CLEC1B: variants seen among roughly 807,000 people sequenced by gnomAD.
The protein encoded by CLEC1B is C-type lectin domain family 1 member B.
Under a neutral mutation model 26.7 loss-of-function variants are expected in CLEC1B, and 26 were observed. The observed-to-expected ratio is 0.97, with a 90% CI of 0.71 to 1.35. The LOEUF is 1.35. Ranked by LOEUF, CLEC1B falls within the 40% of genes most tolerant of loss-of-function variation. The pLI is 0.00. For synonymous variants in CLEC1B, 112 were observed against 96.0 expected, an observed-to-expected ratio of 1.17 and a Z score of -0.97; for missense variants, 293 against 282.6, an observed-to-expected ratio of 1.04 and a Z score of -0.26.
intron 5 of CLEC1B, 182 bp from the exon 6 acceptor site, chr12:9,993,469 A>T (rs986120670): frequency 3.0e-5 from 18 of 604,366 alleles, no homozygotes; most frequent in Admixed American, 5.9e-5. Flanking sequence ...CAAGATATGC[A>T]TATTTAAAAA....
chr12:9,997,280 C>G lies in CLEC1B; in HGVS notation c.164-1G>C. 1.2e-6 allele frequency: 2 copies of G among 1,607,858 alleles called. No individual in the cohort carries two copies. Among genetic ancestry groups the G allele is most frequent in the Non-Finnish European group, 1.7e-6 (2 of 1,176,292 alleles). Reference sequence around the variant, plus strand: ...TGTAGGTAATTGCGCTGCATGACAGCTAGGTTTAAAAAGTAAATAATAATA... The same window carrying G: ...TGTAGGTAATTGCGCTGCATGACAGGTAGGTTTAAAAAGTAAATAATAATA... On this transcript the variant is annotated splice_acceptor_variant, in intron 2 of 5. Coordinates refer to ENST00000298527, the MANE Select transcript of CLEC1B (RefSeq NM_016509.4). LOFTEE classifies it high-confidence loss of function.
Position 9,993,281 on chromosome 12 carries a change from C to A in CLEC1B, c.552G>T (p.Glu184Asp). 1 of 1,611,230 alleles carries A rather than the reference C, an allele frequency of 6.2e-7. No homozygotes were observed. The highest frequency in any genetic ancestry group is 8.5e-7 in the Non-Finnish European group (1 of 1,178,106). ...DGSVISENMF[E>D]FLEDGKGNMN... The stretch of plus-strand genomic sequence containing the variant: ...TATTTCCTTTTCCATCTTCCAAAAA[C>A]TCAAACCTGTGAAGGGAAAGTTAGA... The change falls in exon 6 of 6, where the codon GAG becomes GAT. Residue 184 changes from glutamate to aspartate, a missense_variant. Transcript: ENST00000298527.
rs1272005426 is a variant in CLEC1B, at chr12:9,997,294, T to C, written c.164-15A>G. Reference sequence around the variant, plus strand: ...CTGCATGACAGCTAGGTTTAAAAAGTAAATAATAATAATTTGTAATTAGAA... The same window carrying C: ...CTGCATGACAGCTAGGTTTAAAAAGCAAATAATAATAATTTGTAATTAGAA... On this transcript the variant is annotated splice_polypyrimidine_tract_variant and intron_variant, in intron 2 of 5. Coordinates refer to ENST00000298527, the MANE Select transcript of CLEC1B (RefSeq NM_016509.4). 6.3e-7 allele frequency: 1 copy of C among 1,594,194 alleles called. No individual in the cohort carries two copies. Among genetic ancestry groups the C allele is most frequent in the East Asian group, 2.2e-5 (1 of 44,612 alleles).
Position 9,997,223 on chromosome 12 carries a change from G to A in CLEC1B, c.220C>T (p.Gln74Ter). Reference sequence around the variant, plus strand: ...TGACAGAAGCGCTTTGCTAATTGTTGCAGAGTTCCTGTGCGATTTTCATTC... The same window carrying A: ...TGACAGAAGCGCTTTGCTAATTGTTACAGAGTTCCTGTGCGATTTTCATTC... ...GENENRTGTL[Q>*]QLAKRFCQYV... is the part of the protein sequence containing the mutation. The change falls in exon 3 of 6, where the codon CAA (glutamine) becomes TAA (stop). Residue 74 changes from glutamine to a stop codon, truncating the protein, a stop_gained. Coordinates refer to ENST00000298527, the MANE Select transcript of CLEC1B (RefSeq NM_016509.4). LOFTEE classifies it high-confidence loss of function. 1 of 1,613,796 alleles carries A rather than the reference G, an allele frequency of 6.2e-7. No individual in the cohort carries two copies. Among genetic ancestry groups the A allele is most frequent in the Non-Finnish European group, 8.5e-7 (1 of 1,179,794 alleles).
At chr12:9,995,066 G>T (rs761914654) in intron 5 of CLEC1B, 74 bp downstream of exon 5, 2 of 1,598,488 alleles carry the variant, frequency 1.3e-6, no homozygotes, top group South Asian at 2.2e-5. Flanking sequence ...TAGTGACTTG[G>T]ACTGAGAGAA....
At chr12:9,994,260 T>C (rs918980425) in intron 5 of CLEC1B, among the ~76,000 whole-genome samples, 1 of 151,954 alleles carries the variant, frequency 6.6e-6, no homozygotes, top group African/African-American at 2.4e-5. Flanking sequence ...GTTGGAAGAA[T>C]GTAAAGAACA....
At chr12:9,994,931 G>C in intron 5 of CLEC1B, 1 of 1,302,660 alleles carries the variant, frequency 7.7e-7, no homozygotes, top group South Asian at 1.3e-5. Context: ...CAGAGATAAA[G>C]GTGGATTGTG....
In CLEC1B at chr12:9,995,208, G is replaced by T; in HGVS notation, c.477C>A (p.Val159=). The change falls in exon 5 of 6, where the codon GTC becomes GTA. Residue 159 remains valine, a synonymous_variant. Coordinates refer to ENST00000298527, the MANE Select transcript of CLEC1B (RefSeq NM_016509.4). The part of the protein sequence containing the change: ...IKARTHLIRW[V]GLSRQKSNEV... ...CATTCGACTTCTGGCGAGATAATCC[G>T]ACCCAACGAATTAAATGAGTCCTGG... 4.3e-6 allele frequency: 7 copies of T among 1,612,926 alleles called. No homozygotes were observed. The highest frequency in any genetic ancestry group is 1.1e-5 in the South Asian group (1 of 91,026).
chr12:10,001,101 T>C (rs766042931), upstream of CLEC1B, among the ~76,000 whole-genome samples: 1 of 152,184 alleles, frequency 6.6e-6, no homozygotes, highest in Non-Finnish European at 1.5e-5. Flanking sequence ...TCCAAGGACA[T>C]TGAGACAATT....
rs780560552 is a variant in CLEC1B, at chr12:9,993,276, A to G, written c.557T>C (p.Leu186Ser). The G allele has an allele frequency of 1.4e-5, 22 of 1,612,358 alleles. No homozygotes were observed. Among genetic ancestry groups the G allele is most frequent in the Non-Finnish European group, 1.4e-5 (16 of 1,178,738 alleles). The change falls in exon 6 of 6, where the codon TTG (leucine) becomes TCG (serine). Residue 186 changes from leucine to serine, a missense_variant. Physicochemically the swap from Leu to Ser is moderately radical, Grantham distance 145. Coordinates refer to ENST00000298527, the MANE Select transcript of CLEC1B (RefSeq NM_016509.4). ...ATTCATATTTCCTTTTCCATCTTCCAAAAACTCAAACCTGTGAAGGGAAAG... is the reference window on the plus strand; with the variant it reads ...ATTCATATTTCCTTTTCCATCTTCCGAAAACTCAAACCTGTGAAGGGAAAG... ...SVISENMFEF[L>S]EDGKGNMNCA... is the part of the protein sequence containing the mutation.
chr12:9,997,095 C>T (rs1191669494), intron 3 of CLEC1B, 65 bp downstream of exon 3: 3 of 1,609,248 alleles, frequency 1.9e-6, no homozygotes, highest in South Asian at 1.1e-5. Flanking sequence ...AAACTCCCTT[C>T]AGTTGCCATC....
rs1324279092 is a variant in CLEC1B at position 9,998,316 on chromosome 12, C to T, written c.129G>A (p.Gly43=). Residue 43 remains glycine (G), a synonymous_variant, in exon 2 of 6, where the codon GGG becomes GGA. Transcript: ENST00000298527. ...CCAGAGCCACCAGCCCGACAACCAT[C>T]CCCACGCACAGGATCAGCAGAATCA... ...MALILLILCV[G]MVVGLVALGI... 1 of 1,614,108 alleles carries T rather than the reference C, an allele frequency of 6.2e-7. No individual in the cohort carries two copies.
rs532765960 is a variant in CLEC1B at position 9,993,570 on chromosome 12, A to G, written c.546-283T>C. On this transcript the variant is annotated intron_variant, in intron 5 of 5. Transcript: ENST00000298527. ...TGAAGAAGTGATGGAGATGGCTCCA[A>G]AATAATGGGAAAACGCATTATCTAC... is the stretch of plus-strand genomic sequence containing the variant. 1.5e-4 allele frequency among the ~76,000 whole-genome samples: 23 copies of G among 152,250 alleles called. No homozygotes were observed. The South Asian group carries it at 1.9e-3, about 12-fold the overall frequency.
chr12:9,993,194 A>G lies in CLEC1B; in HGVS notation c.639T>C (p.Tyr213=), dbSNP rs770915236. 8 of 1,612,322 alleles carry G rather than the reference A, an allele frequency of 5.0e-6. No individual in the cohort carries two copies. In the Admixed American group the frequency reaches 8.3e-5, roughly 17 times the overall value. ...MHPTFCENKH[Y]LMCERKAGMT... The stretch of plus-strand genomic sequence containing the variant: ...TGCCAGCCTTCCTCTCACACATTAA[A>G]TAATGTTTGTTCTCACAGAAGGTAG... The change falls in exon 6 of 6, where the codon TAT becomes TAC. Residue 213 remains tyrosine (Y), a synonymous_variant. Coordinates refer to ENST00000298527, the MANE Select transcript of CLEC1B (RefSeq NM_016509.4).
chr12:9,997,170 C>A lies in CLEC1B; in HGVS notation c.273G>T (p.Lys91Asn). The A allele has an allele frequency of 6.2e-7, 1 of 1,613,934 alleles. No homozygotes were observed. Among genetic ancestry groups the A allele is most frequent in the South Asian group, 1.1e-5 (1 of 91,072 alleles). Residue 91 changes from lysine (K) to asparagine (N), a missense_variant, in exon 3 of 6, where the codon AAG (lysine) becomes AAT (asparagine). Lys to Asn is a moderately conservative substitution (Grantham distance 94, BLOSUM62 0). Transcript: ENST00000298527. ...AAAAACAATACTTACTGAAAGTGCC[C>A]TTTAGTTCTGATTGTTTTACCACAT... ...CQYVVKQSEL[K>N]GTFKGHKCSP...
At chr12:9,993,381 G>T in intron 5 of CLEC1B, 94 bp from the exon 6 acceptor site, 3 of 704,454 alleles carry the variant, frequency 4.3e-6, no homozygotes, top group Non-Finnish European at 6.8e-6. Flanking sequence ...ACCAAATAGA[G>T]ACTGAGGAAA....
At chr12:9,996,179 C>T (rs1052521557) in intron 4 of CLEC1B, among the ~76,000 whole-genome samples, 2 of 152,098 alleles carry the variant, frequency 1.3e-5, no homozygotes, top group African/African-American at 2.4e-5. Context: ...TTTCTTAAAG[C>T]TTGAGCCACC....
intron 1 of CLEC1B, among the ~76,000 whole-genome samples, chr12:9,998,793 C>T (rs1865115864): frequency 6.6e-6 from 1 of 152,138 alleles, no homozygotes; most frequent in Non-Finnish European, 1.5e-5. Flanking sequence ...CCCTTGACTT[C>T]TATGCCCTCG....
At position 9,996,113 on chromosome 12, in the gene CLEC1B, G is replaced by C. The variant is rs954478079; in HGVS notation, c.438+733C>G. ...CTTGAGCTTCTTGACAGATATGTGA[G>C]ACTCAAAATGGCATTCCACAGGAGA... On this transcript the variant is annotated intron_variant, in intron 4 of 5. Transcript: ENST00000298527. Among the ~76,000 whole-genome samples, 5 of 152,272 alleles carry C rather than the reference G, an allele frequency of 3.3e-5. No homozygotes were observed. In the East Asian group the frequency reaches 5.8e-4, roughly 18 times the overall value.
Sources: allele counts gnomAD v4.1 joint callset (sites outside exome capture counted in the v4.1 genomes callset), GRCh38; gene constraint gnomAD v4.1.1; transcripts MANE v1.5; gene names NCBI Gene and HGNC (gene_info 2026-07-23, HGNC 2026-07-21).